Variants in FGF13 observed in about 807,000 individuals in gnomAD.
FGF13 encodes the protein fibroblast growth factor homologous factor 2.
In FGF13, 2 loss-of-function variants were observed where a neutral mutation model predicts 19.5. That is an observed-to-expected ratio of 0.10 (90% CI 0.04 to 0.32). The LOEUF (loss-of-function observed/expected upper bound fraction) is 0.32. Ranked by LOEUF, FGF13 falls within the 10% of genes least tolerant of loss-of-function variation. The pLI is 1.00. For synonymous variants in FGF13, 72 were observed against 76.9 expected, an observed-to-expected ratio of 0.94 and a Z score of 0.33; for missense variants, 113 against 192.7, an observed-to-expected ratio of 0.59 and a Z score of 2.45.
intron 1 of FGF13, among the ~76,000 whole-genome samples, chrX:139,032,687 G>A (rs919427188): frequency 1.8e-5 from 2 of 110,670 alleles, no homozygotes; most frequent in African/African-American, 3.3e-5. Flanking sequence ...GTGGCCTAAG[G>A]AGTTTTGATC....
At chrX:138,652,497 T>C (rs1234830817) in intron 3 of FGF13, among the ~76,000 whole-genome samples, 3 of 111,884 alleles carry the variant, frequency 2.7e-5, no homozygotes, top group Non-Finnish European at 5.6e-5. Context: ...CATAAAAATT[T>C]ACTAAATTAA....
intron 1 of FGF13, among the ~76,000 whole-genome samples, chrX:138,953,159 C>T (rs774781632): frequency 8.8e-4 from 97 of 110,768 alleles, no homozygotes; most frequent in African/African-American, 3.0e-3. Flanking sequence ...TTCACAATAG[C>T]AAAGACTTGG....
chrX:139,202,107 A>C (rs1427764151), intron 1 of FGF13, among the ~76,000 whole-genome samples: 2 of 112,398 alleles, frequency 1.8e-5, no homozygotes, highest in Non-Finnish European at 3.8e-5. Flanking sequence ...CTGTTTCCAG[A>C]TGCGTTAATC....
intron 1 of FGF13, among the ~76,000 whole-genome samples, chrX:139,080,037 A>G (rs1424369932): frequency 1.9e-5 from 2 of 104,893 alleles, no homozygotes; most frequent in Non-Finnish European, 3.9e-5. Flanking sequence ...TTTTACATTG[A>G]CCAAAATAGA....
At chrX:138,849,308 C>T (rs896650141) in intron 3 of FGF13, among the ~76,000 whole-genome samples, 6 of 111,665 alleles carry the variant, frequency 5.4e-5, no homozygotes, top group Non-Finnish European at 1.1e-4. Context: ...CTAGGAATGG[C>T]GTGTAATTTG....
At chrX:139,064,015 T>G (rs1180925633) in intron 1 of FGF13, among the ~76,000 whole-genome samples, 1 of 111,351 alleles carries the variant, frequency 9.0e-6, no homozygotes, top group Admixed American at 9.6e-5. Flanking sequence ...GCATATATTT[T>G]GAAGGTATGT....
At chrX:138,863,676 G>A (rs184355866) in intron 2 of FGF13, among the ~76,000 whole-genome samples, 7 of 111,805 alleles carry the variant, frequency 6.3e-5, no homozygotes, top group Non-Finnish European at 9.4e-5. Flanking sequence ...GCTATGAAGC[G>A]GTAATAAATG....
At chrX:139,086,306 T>A (rs1404753467) in intron 1 of FGF13, among the ~76,000 whole-genome samples, 1 of 111,020 alleles carries the variant, frequency 9.0e-6, no homozygotes, top group Non-Finnish European at 1.9e-5. Context: ...CCAAACATAC[T>A]GTGTCAGATA....
chrX:139,054,117 C>CT (rs58544411), intron 1 of FGF13, among the ~76,000 whole-genome samples: 1,076 of 33,919 alleles, frequency 0.032, 44 homozygotes, highest in Middle Eastern at 0.061. Context: ...GTCTACGTGC[C>CT]TTTTTTTTTT....
At chrX:138,635,411 G>C (rs765272585) in intron 4 of FGF13, 46 bp downstream of exon 4, 209 of 1,094,285 alleles carry the variant, frequency 1.9e-4, no homozygotes, top group Non-Finnish European at 3.4e-5. Context: ...AAATAAATAA[G>C]TATATTTAGT....
intron 1 of FGF13, among the ~76,000 whole-genome samples, chrX:138,987,596 A>C (rs2091999232): frequency 8.9e-6 from 1 of 112,319 alleles, no homozygotes; most frequent in African/African-American, 3.2e-5. Flanking sequence ...TTAATGACTC[A>C]GATAGTAGAT....
intron 1 of FGF13, among the ~76,000 whole-genome samples, chrX:138,896,226 TTG>T (rs201486024): frequency 0.042 from 4,642 of 111,336 alleles, 264 homozygotes; most frequent in African/African-American, 0.14. Context: ...ATTCCACAAT[TTG>T]TGTGTGTGTG....
intron 3 of FGF13, among the ~76,000 whole-genome samples, chrX:138,791,838 A>G (rs988135381): frequency 8.9e-5 from 10 of 112,077 alleles, no homozygotes; most frequent in Non-Finnish European, 1.5e-4. Flanking sequence ...GGATATATTT[A>G]AAATCTACGA....
At chrX:138,929,854 CTGTGTGTGTGTGTG>C (rs577806507) in intron 1 of FGF13, among the ~76,000 whole-genome samples, 140 of 96,248 alleles carry the variant, frequency 1.5e-3, no homozygotes, top group East Asian at 0.013. Context: ...ACTGCCTTAG[CTGTGTGTGTGTGTG>C]TGTGTGTGTG....
At chrX:139,049,382 G>C (rs1309337035) in intron 1 of FGF13, among the ~76,000 whole-genome samples, 1 of 111,689 alleles carries the variant, frequency 9.0e-6, no homozygotes, top group Admixed American at 9.5e-5. Flanking sequence ...AGACAGGCTT[G>C]CATTTCTATA....
At chrX:138,725,649 T>A (rs1259312323) in intron 1 of FGF13, among the ~76,000 whole-genome samples, 2 of 111,627 alleles carry the variant, frequency 1.8e-5, no homozygotes, top group South Asian at 3.8e-4. Flanking sequence ...GCAGATGGTG[T>A]TCATGATTGC....
At chrX:138,835,845 T>C (rs895301009) in intron 3 of FGF13, among the ~76,000 whole-genome samples, 9 of 111,780 alleles carry the variant, frequency 8.1e-5, no homozygotes, top group Admixed American at 6.7e-4. Flanking sequence ...GAGGCAGCTC[T>C]GGTGGTAACA....
chrX:139,039,771 A>G (rs1237953232), intron 1 of FGF13, among the ~76,000 whole-genome samples: 1 of 111,250 alleles, frequency 9.0e-6, no homozygotes, highest in Non-Finnish European at 1.9e-5. Context: ...CAACTGTCAC[A>G]TAGCAGGCAT....
At chrX:138,639,683 T>C (rs985480734) in intron 3 of FGF13, among the ~76,000 whole-genome samples, 1 of 111,888 alleles carries the variant, frequency 8.9e-6, no homozygotes, top group African/African-American at 3.3e-5. Flanking sequence ...TTGGTTCTTC[T>C]CAGTGAATAC....
Sources: allele counts gnomAD v4.1 joint callset (sites outside exome capture counted in the v4.1 genomes callset), GRCh38; gene constraint gnomAD v4.1.1; transcripts MANE v1.5; gene names NCBI Gene and HGNC (gene_info 2026-07-23, HGNC 2026-07-21).